Variants in TPRG1 observed in about 807,000 individuals in gnomAD.
TPRG1 encodes the protein tumor protein p63 regulated 1.
TPRG1 carries 29 observed loss-of-function variants against 29.3 expected under a neutral mutation model. The ratio of observed to expected loss-of-function variants is 0.99; its 90% CI spans 0.74 to 1.35. The LOEUF (loss-of-function observed/expected upper bound fraction) is 1.35, where lower values mean the gene tolerates loss of function less well. Ranked by LOEUF, TPRG1 falls within the 40% of genes most tolerant of loss-of-function variation. The pLI, the probability that TPRG1 is intolerant of heterozygous loss-of-function variation, is 0.00. For synonymous variants in TPRG1, 130 were observed against 116.8 expected, an observed-to-expected ratio of 1.11 and a Z score of -0.73; for missense variants, 327 against 335.0, an observed-to-expected ratio of 0.98 and a Z score of 0.19.
At chr3:189,249,165 G>A (rs1741792231) in intron 4 of TPRG1, among the ~76,000 whole-genome samples, 1 of 151,442 alleles carries the variant, frequency 6.6e-6, no homozygotes, top group South Asian at 2.1e-4. Flanking sequence ...TACATGTAAT[G>A]TTTATATATA....
intron 4 of TPRG1, 58 bp from the exon 5 acceptor site, chr3:189,310,326 CTA>C: frequency 8.0e-7 from 1 of 1,253,762 alleles, no homozygotes; most frequent in Non-Finnish European, 1.1e-6. Flanking sequence ...GTATTACATT[CTA>C]TTTTTTTTTT....
chr3:189,207,074 C>T, intron 1 of TPRG1: 1 of 619,756 alleles, frequency 1.6e-6, no homozygotes, highest in Non-Finnish European at 2.0e-6. Context: ...GAGAAATTGT[C>T]TGGTAATTAT....
chr3:189,272,729 T>TTTC (rs1715425056), intron 4 of TPRG1, among the ~76,000 whole-genome samples: 2 of 146,472 alleles, frequency 1.4e-5, no homozygotes, highest in African/African-American at 5.3e-5. Flanking sequence ...CCTTCCTTCC[T>TTTC]TCCTTCCTTC....
rs141277659 is a variant in TPRG1, at chr3:189,109,561, C to T, written c.-744+9357C>T. Among the ~76,000 whole-genome samples the T allele has an allele frequency of 9.1e-4, 138 of 152,184 alleles. No individual in the cohort carries two copies. In the East Asian group the frequency reaches 9.7e-3, roughly 11 times the overall value. On this transcript the variant is annotated intron_variant, in intron 1 of 6. Transcript: ENST00000412373. ...AAGATAAGTTCATCCACCAGTCCAG[C>T]AGAATAGAAACTCAGGAAAAAGTAT... is the stretch of plus-strand genomic sequence containing the variant.
upstream of TPRG1, among the ~76,000 whole-genome samples, chr3:189,169,488 G>C (rs1728557143): frequency 6.6e-6 from 1 of 152,272 alleles, no homozygotes; most frequent in African/African-American, 2.4e-5. Context: ...ATAGAAGAGA[G>C]AGAAGAGACA....
chr3:189,239,051 C>A, intron 4 of TPRG1, 142 bp downstream of exon 4: 1 of 646,602 alleles, frequency 1.5e-6, no homozygotes, highest in Non-Finnish European at 2.5e-6. Flanking sequence ...AATCATTAAA[C>A]TAGAGTTCCT....
At chr3:189,067,006 T>C (rs777644453) in intron 4 of TPRG1, among the ~76,000 whole-genome samples, 4 of 152,104 alleles carry the variant, frequency 2.6e-5, no homozygotes, top group Non-Finnish European at 5.9e-5. Context: ...CAAAATTTAG[T>C]AGCATTTCTA....
intron 5 of TPRG1, among the ~76,000 whole-genome samples, chr3:189,312,134 T>TC (rs1722675877): frequency 2.3e-4 from 8 of 34,154 alleles, no homozygotes; most frequent in Admixed American, 5.9e-4. Flanking sequence ...TCTTTCTTTC[T>TC]TTCTTTCTTT....
At chr3:189,284,653 C>A (rs1177195089) in intron 4 of TPRG1, among the ~76,000 whole-genome samples, 1 of 151,856 alleles carries the variant, frequency 6.6e-6, no homozygotes, top group African/African-American at 2.4e-5. Context: ...TGAATAGTAC[C>A]GCAATAAACA....
chr3:189,054,370 G>A (rs1031599353), intron 4 of TPRG1, among the ~76,000 whole-genome samples: 1 of 151,214 alleles, frequency 6.6e-6, no homozygotes, highest in African/African-American at 2.4e-5. Flanking sequence ...ACTGATTATA[G>A]GCTAGGCGCA....
At chr3:189,214,963 A>ATATATATATATATATATTTTATATAT (rs1354068761) in intron 2 of TPRG1, among the ~76,000 whole-genome samples, 18 of 135,520 alleles carry the variant, frequency 1.3e-4, no homozygotes, top group South Asian at 2.6e-4. Flanking sequence ...GTTTAATTTA[A>ATATATATATATATATATTTTATATAT]AAATGTACAG....
intron 4 of TPRG1, among the ~76,000 whole-genome samples, chr3:189,308,276 C>A (rs981563454): frequency 5.9e-5 from 9 of 152,194 alleles, no homozygotes; most frequent in African/African-American, 1.9e-4. Flanking sequence ...ACAGGACTCC[C>A]GGACATCCAG....
At chr3:188,997,997 C>T (rs1203895998) in intron 1 of TPRG1, among the ~76,000 whole-genome samples, 1 of 152,074 alleles carries the variant, frequency 6.6e-6, no homozygotes, top group Non-Finnish European at 1.5e-5. Flanking sequence ...TTCATTCATT[C>T]ATTCATTCAT....
chr3:189,239,281 T>C (rs529000168), intron 4 of TPRG1, among the ~76,000 whole-genome samples: 9 of 152,168 alleles, frequency 5.9e-5, no homozygotes, highest in African/African-American at 1.9e-4. Context: ...TGGAAACCCC[T>C]GTTAAACTCA....
chr3:189,048,657 G>A (rs1715116138), intron 4 of TPRG1, among the ~76,000 whole-genome samples: 1 of 152,120 alleles, frequency 6.6e-6, no homozygotes, highest in Admixed American at 6.5e-5. Flanking sequence ...CTCAAGACTA[G>A]ATTCAGCTCC....
intron 2 of TPRG1, among the ~76,000 whole-genome samples, chr3:189,129,773 A>C (rs573701423): frequency 1.8e-4 from 27 of 152,362 alleles, no homozygotes; most frequent in South Asian, 1.4e-3. Context: ...CAGATGAAGA[A>C]AAAAGTATAG....
intron 1 of TPRG1, among the ~76,000 whole-genome samples, chr3:189,174,991 C>T (rs932375798): frequency 6.6e-6 from 1 of 152,184 alleles, no homozygotes; most frequent in Non-Finnish European, 1.5e-5. Flanking sequence ...TTCTCTTATT[C>T]ACCCACTAAT....
intron 4 of TPRG1, among the ~76,000 whole-genome samples, chr3:189,069,440 A>G (rs1465362442): frequency 6.6e-6 from 1 of 152,214 alleles, no homozygotes; most frequent in Non-Finnish European, 1.5e-5. Flanking sequence ...GACTGTATCA[A>G]TGTCAAAATC....
At chr3:189,113,538 T>G (rs1720803946) in intron 1 of TPRG1, among the ~76,000 whole-genome samples, 1 of 152,112 alleles carries the variant, frequency 6.6e-6, no homozygotes, top group South Asian at 2.1e-4. Flanking sequence ...CTTATTATTT[T>G]GAGATATGTC....
Sources: gnomAD v4.1 joint callset for allele counts (sites outside exome capture counted in the v4.1 genomes callset) on GRCh38, gnomAD v4.1.1 for gene constraint, MANE v1.5 for transcripts, NCBI Gene and HGNC (gene_info 2026-07-23, HGNC 2026-07-21) for gene names.